The following SCHIP1 variants were observed in gnomAD, a reference collection of about 807,000 sequenced individuals.
The protein encoded by SCHIP1 is schwannomin-interacting protein 1.
A neutral mutation model predicts 29.7 loss-of-function variants in SCHIP1; 8 were observed. The observed-to-expected ratio is 0.27, with a 90% CI of 0.16 to 0.49. The LOEUF (loss-of-function observed/expected upper bound fraction) is 0.49. Among genes scored for constraint, SCHIP1 ranks in the 20% least tolerant of loss-of-function variants. The probability of loss-of-function intolerance (pLI) is 0.99; values close to 1 mark genes in which losing one functional copy is unlikely to be tolerated. For missense variants in SCHIP1, 193 were observed against 294.6 expected, an observed-to-expected ratio of 0.66 and a Z score of 2.52; for synonymous variants, 76 against 94.9, an observed-to-expected ratio of 0.80 and a Z score of 1.16.
chr3:159,280,821 G>C, the SCHIP1 span, among the ~76,000 whole-genome samples: 20 of 152,142 alleles, frequency 1.3e-4, no homozygotes, highest in African/African-American at 4.8e-5. Context: ...AAGCACTTGC[G>C]AAGGATGAAC....
the SCHIP1 span, among the ~76,000 whole-genome samples, chr3:159,495,561 G>C: frequency 2.6e-5 from 4 of 152,240 alleles, no homozygotes; most frequent in African/African-American, 9.6e-5. Flanking sequence ...GGATGTGAAG[G>C]ACCTCTTCAA....
chr3:159,778,098 C>G, the SCHIP1 span, among the ~76,000 whole-genome samples: 1 of 152,114 alleles, frequency 6.6e-6, no homozygotes, highest in South Asian at 2.1e-4. Flanking sequence ...TCTCCTAACT[C>G]AGCCTCCTGA....
At chr3:159,626,939 T>C in the SCHIP1 span, among the ~76,000 whole-genome samples, 29 of 152,296 alleles carry the variant, frequency 1.9e-4, no homozygotes, top group Admixed American at 6.5e-4. Context: ...TAGCTATACA[T>C]GTGCCATGGT....
At chr3:159,645,538 T>C in the SCHIP1 span, among the ~76,000 whole-genome samples, 32 of 152,272 alleles carry the variant, frequency 2.1e-4, no homozygotes, top group African/African-American at 7.0e-4. Flanking sequence ...CATTGTAGTC[T>C]TTCAATCGTC....
the SCHIP1 span, among the ~76,000 whole-genome samples, chr3:159,534,443 T>C: frequency 1.3e-5 from 2 of 152,152 alleles, no homozygotes; most frequent in African/African-American, 4.8e-5. Context: ...CTTCTTGCTC[T>C]CAAAATCCTG....
chr3:159,535,021 T>C, the SCHIP1 span, among the ~76,000 whole-genome samples: 1 of 152,112 alleles, frequency 6.6e-6, no homozygotes, highest in Non-Finnish European at 1.5e-5. Flanking sequence ...AATTTCTGTC[T>C]GCTGTTCTGA....
At chr3:159,612,032 A>C in the SCHIP1 span, among the ~76,000 whole-genome samples, 1 of 152,176 alleles carries the variant, frequency 6.6e-6, no homozygotes, top group African/African-American at 2.4e-5. Flanking sequence ...TATTGCTGTT[A>C]AAATCAAAAC....
chr3:159,729,715 A>G, the SCHIP1 span, among the ~76,000 whole-genome samples: 2 of 152,230 alleles, frequency 1.3e-5, no homozygotes, highest in African/African-American at 4.8e-5. Context: ...AATATCATAA[A>G]GAAGTCAACT....
chr3:159,395,703 G>C, the SCHIP1 span, among the ~76,000 whole-genome samples: 1 of 151,988 alleles, frequency 6.6e-6, no homozygotes, highest in Non-Finnish European at 1.5e-5. Flanking sequence ...TATAATTTCT[G>C]TTCTTTTACA....
chr3:159,412,345 TAGA>T, the SCHIP1 span, among the ~76,000 whole-genome samples: 1 of 152,230 alleles, frequency 6.6e-6, no homozygotes, highest in Non-Finnish European at 1.5e-5. Flanking sequence ...CTTTTGACAG[TAGA>T]AGGAGGCATG....
rs1019291323 is a variant in SCHIP1 at position 159,873,866 on chromosome 3, G to A, written c.149+7585G>A. Among the ~76,000 whole-genome samples, 3 of 152,234 alleles carry A rather than the reference G, an allele frequency of 2.0e-5. No homozygotes were observed. In the South Asian group the frequency reaches 6.2e-4, roughly 32 times the overall value. ...TATTAGGGTTAGTCATATTCTTGAA[G>A]AAACATTTTTTCTATTATTACTAGT... On this transcript the variant is annotated intron_variant, in intron 2 of 6. Coordinates refer to ENST00000445224, the Ensembl canonical transcript of SCHIP1.
At chr3:159,557,143 G>C in the SCHIP1 span, among the ~76,000 whole-genome samples, 1 of 151,620 alleles carries the variant, frequency 6.6e-6, no homozygotes, top group South Asian at 2.1e-4. Context: ...ATTTTTAGTA[G>C]AGACGAGGTT....
At chr3:159,312,087 AGCAT>A in the SCHIP1 span, among the ~76,000 whole-genome samples, 1 of 152,196 alleles carries the variant, frequency 6.6e-6, no homozygotes, top group Non-Finnish European at 1.5e-5. Flanking sequence ...AAGACATTCA[AGCAT>A]GCTTGCTTGG....
the SCHIP1 span, among the ~76,000 whole-genome samples, chr3:159,299,976 G>A: frequency 4.6e-5 from 7 of 152,160 alleles, no homozygotes; most frequent in South Asian, 1.5e-3. Flanking sequence ...GCAAGACCTT[G>A]GGGAGGTAGA....
chr3:159,658,433 T>A, the SCHIP1 span, among the ~76,000 whole-genome samples: 1 of 152,186 alleles, frequency 6.6e-6, no homozygotes, highest in Non-Finnish European at 1.5e-5. Context: ...ACTGTTCAGG[T>A]ATTCTTATGC....
At chr3:159,811,960 T>C in the SCHIP1 span, among the ~76,000 whole-genome samples, 3 of 129,876 alleles carry the variant, frequency 2.3e-5, no homozygotes, top group Non-Finnish European at 3.2e-5. Context: ...TGTTTTGTAG[T>C]TTTTTTTGTT....
the SCHIP1 span, among the ~76,000 whole-genome samples, chr3:159,766,711 C>T: frequency 4.6e-5 from 7 of 152,236 alleles, no homozygotes; most frequent in African/African-American, 1.7e-4. Context: ...TTTGAGCACC[C>T]ATGTATGTGC....
At chr3:159,716,511 A>G in the SCHIP1 span, among the ~76,000 whole-genome samples, 1 of 152,342 alleles carries the variant, frequency 6.6e-6, no homozygotes, top group Non-Finnish European at 1.5e-5. Context: ...GACCCCTCTC[A>G]TGTGCAGAGA....
the SCHIP1 span, among the ~76,000 whole-genome samples, chr3:159,559,725 A>G: frequency 6.6e-6 from 1 of 152,288 alleles, no homozygotes; most frequent in East Asian, 1.9e-4. Flanking sequence ...GAGTTCCCTC[A>G]TGCCCTTTTG....
Sources: gnomAD v4.1 joint callset for allele counts (sites outside exome capture counted in the v4.1 genomes callset) on GRCh38, gnomAD v4.1.1 for gene constraint, MANE v1.5 for transcripts, NCBI Gene and HGNC (gene_info 2026-07-23, HGNC 2026-07-21) for gene names.